The following SWAP70 variants were observed in gnomAD, a reference collection of about 807,000 sequenced individuals.
The protein encoded by SWAP70 is switch-associated protein 70.
A neutral mutation model predicts 80.2 loss-of-function variants in SWAP70; 34 were observed. That is an observed-to-expected ratio of 0.42 (90% CI 0.32 to 0.56). The LOEUF is 0.56. Ranked by LOEUF, SWAP70 falls within the 20% of genes least tolerant of loss-of-function variation. The probability of loss-of-function intolerance (pLI) is 0.09; values close to 1 mark genes in which losing one functional copy is unlikely to be tolerated. For synonymous variants in SWAP70, 239 were observed against 238.5 expected (o/e 1.00, Z -0.02); for missense variants, 578 against 690.7 (o/e 0.84, Z 1.83).
At chr11:9,716,381 T>G (rs1009233481) in intron 3 of SWAP70, among the ~76,000 whole-genome samples, 1 of 152,152 alleles carries the variant, frequency 6.6e-6, no homozygotes, top group African/African-American at 2.4e-5. Context: ...GAGACAAGTT[T>G]CAGGCCTGGG....
intron 2 of SWAP70, among the ~76,000 whole-genome samples, chr11:9,702,329 TG>T: frequency 6.6e-6 from 1 of 152,304 alleles, no homozygotes; most frequent in South Asian, 2.1e-4. Context: ...TGCTTTCATG[TG>T]GTTCTTTTTT....
At chr11:9,747,271 G>A (rs1851524003) in intron 9 of SWAP70, among the ~76,000 whole-genome samples, 1 of 152,234 alleles carries the variant, frequency 6.6e-6, no homozygotes, top group African/African-American at 2.4e-5. Flanking sequence ...AGGATTGTCA[G>A]GGGATTAGCA....
chr11:9,671,813 T>C (rs1413695470), intron 1 of SWAP70, among the ~76,000 whole-genome samples: 1 of 100,244 alleles, frequency 1.0e-5, no homozygotes, highest in African/African-American at 4.0e-5. Flanking sequence ...TAAATATAAA[T>C]ATATAAATAT....
chr11:9,729,714 AATCTCCTGACCTTGTG>A (rs963516928), intron 6 of SWAP70, among the ~76,000 whole-genome samples: 2 of 152,094 alleles, frequency 1.3e-5, no homozygotes, highest in African/African-American at 4.8e-5. Flanking sequence ...CGCTGGTCTC[AATCTCCTGACCTTGTG>A]ATCCACCTGC....
chr11:9,676,000 A>G (rs1850495782), intron 1 of SWAP70, among the ~76,000 whole-genome samples: 1 of 152,228 alleles, frequency 6.6e-6, no homozygotes, highest in African/African-American at 2.4e-5. Flanking sequence ...CAGGAACACT[A>G]AGTGATTGTT....
intron 2 of SWAP70, among the ~76,000 whole-genome samples, chr11:9,703,761 T>C (rs1206018822): frequency 6.6e-6 from 1 of 152,146 alleles, no homozygotes; most frequent in Non-Finnish European, 1.5e-5. Flanking sequence ...CTCACAATGA[T>C]TTGAATGAAT....
At position 9,729,373 on chromosome 11, in the gene SWAP70, C is replaced by T. The variant is rs1257380668; in HGVS notation, c.820C>T (p.Leu274Phe). The change falls in exon 6 of 12, where the codon CTT (leucine) becomes TTT (phenylalanine). Residue 274 changes from leucine to phenylalanine, a missense_variant. Physicochemically the swap from Leu to Phe is conservative, Grantham distance 22 (BLOSUM62 0). Coordinates refer to ENST00000318950, the MANE Select transcript of SWAP70 (RefSeq NM_015055.4). ...SLPDKDGKKC[L>F]FLVKCFDKTF... is the part of the protein sequence containing the mutation. ...GCCTGACAAAGATGGAAAGAAATGC[C>T]TTTTTCTCGTAAAATGTTTTGATAA... 1.2e-6 allele frequency: 2 copies of T among 1,613,512 alleles called. No homozygotes were observed. The highest frequency in any genetic ancestry group is 1.7e-6 in the Non-Finnish European group (2 of 1,179,806).
chr11:9,740,486 T>G (rs984362881), intron 9 of SWAP70, 139 bp downstream of exon 9: 2 of 878,940 alleles, frequency 2.3e-6, no homozygotes, highest in Non-Finnish European at 3.7e-6. Flanking sequence ...CTGTCCAGAT[T>G]AGAAAGACTG....
At chr11:9,698,687 G>A (rs1023343095) in intron 2 of SWAP70, among the ~76,000 whole-genome samples, 2 of 152,188 alleles carry the variant, frequency 1.3e-5, no homozygotes, top group Non-Finnish European at 2.9e-5. Flanking sequence ...TTATAGGTGT[G>A]AGCCATTGTG....
At position 9,732,477 on chromosome 11, in the gene SWAP70, A is replaced by C. The variant is rs191670180; in HGVS notation, c.899-52A>C. On this transcript the variant is annotated intron_variant, in intron 6 of 11. Coordinates refer to ENST00000318950, the MANE Select transcript of SWAP70 (RefSeq NM_015055.4). The stretch of plus-strand genomic sequence containing the variant: ...TGTGCCATTTGCATAGTAGGCTTAC[A>C]AAGAATAAATAATATCTCCCCATTT... The C allele has an allele frequency of 4.7e-4, 714 of 1,531,476 alleles. 5 individuals carry two copies. The African/African-American group carries it at 8.8e-3, about 19-fold the overall frequency. 94.9% of individuals were successfully genotyped at this position (1,531,476 alleles called of 1,614,324 possible).
At chr11:9,675,326 A>AGAGACAGAGGGAGC in intron 1 of SWAP70, among the ~76,000 whole-genome samples, 1 of 28,660 alleles carries the variant, frequency 3.5e-5, no homozygotes, top group Non-Finnish European at 3.5e-4. Context: ...GGAGCGAGAG[A>AGAGACAGAGGGAGC]GAGAGAGAGA....
intron 1 of SWAP70, among the ~76,000 whole-genome samples, chr11:9,672,965 A>G (rs112926606): frequency 3.9e-5 from 6 of 152,294 alleles, no homozygotes; most frequent in African/African-American, 1.4e-4. Flanking sequence ...TCACACCACA[A>G]TAACAATCAA....
intron 4 of SWAP70, among the ~76,000 whole-genome samples, chr11:9,725,567 A>ATTTTT (rs1158096816): frequency 2.9e-4 from 5 of 17,316 alleles, no homozygotes; most frequent in Non-Finnish European, 4.0e-4. Context: ...ATATATATAT[A>ATTTTT]TATTTTTTTT....
At chr11:9,692,166 G>A (rs1029770354) in intron 1 of SWAP70, among the ~76,000 whole-genome samples, 3 of 151,074 alleles carry the variant, frequency 2.0e-5, no homozygotes, top group Non-Finnish European at 4.4e-5. Flanking sequence ...AAAAAGTATA[G>A]GCTATGAAGA....
intron 1 of SWAP70, among the ~76,000 whole-genome samples, chr11:9,670,098 C>G (rs998605230): frequency 6.6e-6 from 1 of 152,140 alleles, no homozygotes; most frequent in Non-Finnish European, 1.5e-5. Context: ...TGTACTCCAG[C>G]TGGGGCGACA....
chr11:9,680,345 T>G (rs573895983), intron 1 of SWAP70, among the ~76,000 whole-genome samples: 1 of 152,228 alleles, frequency 6.6e-6, no homozygotes, highest in African/African-American at 2.4e-5. Context: ...TGAGTTGATA[T>G]GTACTTTAAG....
At chr11:9,675,318 AGC>A (rs1850474758) in intron 1 of SWAP70, among the ~76,000 whole-genome samples, 3 of 31,626 alleles carry the variant, frequency 9.5e-5, no homozygotes, top group Non-Finnish European at 3.6e-4. Flanking sequence ...ACAGAGAGGG[AGC>A]GAGAGAGAGA....
chr11:9,749,023 A>G, intron 10 of SWAP70, 64 bp from the exon 11 acceptor site: 2 of 981,292 alleles, frequency 2.0e-6, no homozygotes, highest in South Asian at 1.4e-5. Context: ...AGGGCCCAAT[A>G]GTTGTGATTT....
intron 1 of SWAP70, among the ~76,000 whole-genome samples, chr11:9,678,514 A>T (rs895861941): frequency 2.1e-4 from 22 of 104,494 alleles, no homozygotes; most frequent in Non-Finnish European, 2.1e-4. Flanking sequence ...ATGTACTTTT[A>T]TCGAAAATAA....
Sources: gnomAD v4.1 joint callset for allele counts (sites outside exome capture counted in the v4.1 genomes callset) on GRCh38, gnomAD v4.1.1 for gene constraint, MANE v1.5 for transcripts, NCBI Gene and HGNC (gene_info 2026-07-23, HGNC 2026-07-21) for gene names.